The following OXCT1 variants were observed in gnomAD, a reference collection of about 807,000 sequenced individuals.
The protein encoded by OXCT1 is 3-oxoacid CoA-transferase 1, also known as succinyl-CoA:3-ketoacid coenzyme A transferase 1, mitochondrial.
A neutral mutation model predicts 69.6 loss-of-function variants in OXCT1; 27 were observed. The observed-to-expected ratio is 0.39, with a 90% CI of 0.29 to 0.54. OXCT1 has a LOEUF of 0.54. Ranked by LOEUF, OXCT1 falls within the 20% of genes least tolerant of loss-of-function variation. OXCT1 has a pLI of 0.72. For synonymous variants in OXCT1, 202 were observed against 217.8 expected, an observed-to-expected ratio of 0.93 and a Z score of 0.64; for missense variants, 437 against 650.2, an observed-to-expected ratio of 0.67 and a Z score of 3.57.
At chr5:41,838,285 A>G (rs1315715851) in intron 7 of OXCT1, among the ~76,000 whole-genome samples, 2 of 152,206 alleles carry the variant, frequency 1.3e-5, no homozygotes, top group South Asian at 2.1e-4. Context: ...AAAATGCCCA[A>G]TCTAGGCACT....
chr5:41,754,941 T>C (rs1743985487), intron 14 of OXCT1, among the ~76,000 whole-genome samples: 1 of 152,094 alleles, frequency 6.6e-6, no homozygotes, highest in Non-Finnish European at 1.5e-5. Context: ...AGAAGGCCCC[T>C]TATACACTGT....
intron 6 of OXCT1, among the ~76,000 whole-genome samples, chr5:41,840,844 A>T (rs1446871996): frequency 6.6e-6 from 1 of 152,210 alleles, no homozygotes; most frequent in Non-Finnish European, 1.5e-5. Context: ...ATCTTTTAAC[A>T]AGTATGCTTT....
At chr5:41,766,736 C>T (rs1744623223) in intron 13 of OXCT1, among the ~76,000 whole-genome samples, 2 of 152,066 alleles carry the variant, frequency 1.3e-5, no homozygotes, top group Admixed American at 6.6e-5. Context: ...CTTGCCGTTA[C>T]CTTTATCATT....
At chr5:41,744,580 A>G (rs1743370192) in intron 15 of OXCT1, among the ~76,000 whole-genome samples, 2 of 152,160 alleles carry the variant, frequency 1.3e-5, no homozygotes, top group African/African-American at 2.4e-5. Flanking sequence ...TTGCCCATTC[A>G]GTATGATATT....
chr5:41,831,437 G>A (rs931555892), intron 7 of OXCT1, among the ~76,000 whole-genome samples: 1 of 152,060 alleles, frequency 6.6e-6, no homozygotes, highest in African/African-American at 2.4e-5. Flanking sequence ...CCCTTTTCAT[G>A]CTTTGTTTTT....
chr5:41,845,412 T>C (rs999510634), intron 5 of OXCT1, among the ~76,000 whole-genome samples: 2 of 152,174 alleles, frequency 1.3e-5, no homozygotes, highest in Non-Finnish European at 2.9e-5. Context: ...ACTATAGACA[T>C]TATGCATTTA....
At chr5:41,868,126 G>C (rs1463747355) in intron 1 of OXCT1, among the ~76,000 whole-genome samples, 1 of 152,226 alleles carries the variant, frequency 6.6e-6, no homozygotes. Flanking sequence ...TCAGGTCTGC[G>C]AGACACTGGG....
At chr5:41,749,637 T>A in intron 14 of OXCT1, 30 bp from the exon 15 acceptor site, 1 of 1,407,350 alleles carries the variant, frequency 7.1e-7, no homozygotes, top group Non-Finnish European at 1.0e-6. Context: ...TCAAAAAGAG[T>A]AGTTAGGGAG....
rs759216807 is a variant in OXCT1, at chr5:41,862,662, C to T, written c.167G>A (p.Gly56Asp). The stretch of plus-strand genomic sequence containing the variant: ...CTCACCACCAACCAAAACCGTGGCA[C>T]CATCAGGGATGTCTTTTACAGCTTC... ...PVEAVKDIPD[G>D]ATVLVGGFGL... Residue 56 changes from glycine to aspartate, a missense_variant, in exon 2 of 17, where the codon GGT (glycine) becomes GAT (aspartate). By Grantham distance (94) the Gly-to-Asp change is moderately conservative. Coordinates refer to ENST00000196371, the MANE Select transcript of OXCT1 (RefSeq NM_000436.4). 1.2e-6 allele frequency: 2 copies of T among 1,609,606 alleles called. No individual in the cohort carries two copies. The highest frequency in any genetic ancestry group is 4.5e-5 in the East Asian group (2 of 44,804).
chr5:41,863,621 A>C (rs1361628524), intron 1 of OXCT1, among the ~76,000 whole-genome samples: 1 of 152,194 alleles, frequency 6.6e-6, no homozygotes, highest in Non-Finnish European at 1.5e-5. Context: ...TCTATTACAT[A>C]AGGGAAAGTT....
chr5:41,837,332 G>T (rs1748414862), intron 7 of OXCT1, among the ~76,000 whole-genome samples: 2 of 151,670 alleles, frequency 1.3e-5, no homozygotes, highest in Non-Finnish European at 1.5e-5. Context: ...CGTTGACTAT[G>T]TTATATAGGG....
intron 13 of OXCT1, among the ~76,000 whole-genome samples, chr5:41,764,540 T>A (rs567491918): frequency 2.0e-5 from 3 of 152,282 alleles, no homozygotes; most frequent in African/African-American, 4.8e-5. Flanking sequence ...AGACTCAGAC[T>A]ACACTTCCTT....
At chr5:41,852,608 A>G (rs1056379453) in intron 4 of OXCT1, among the ~76,000 whole-genome samples, 1 of 152,202 alleles carries the variant, frequency 6.6e-6, no homozygotes, top group Non-Finnish European at 1.5e-5. Flanking sequence ...AAATGAGTGA[A>G]AAGTTGCTAG....
chr5:41,786,081 A>C (rs759167923), intron 13 of OXCT1, among the ~76,000 whole-genome samples: 3 of 152,192 alleles, frequency 2.0e-5, no homozygotes, highest in Non-Finnish European at 2.9e-5. Flanking sequence ...TGTCAACAGG[A>C]TAGCCCAGGA....
chr5:41,809,567 C>T (rs1317698377), intron 7 of OXCT1, among the ~76,000 whole-genome samples: 1 of 151,976 alleles, frequency 6.6e-6, no homozygotes, highest in Non-Finnish European at 1.5e-5. Flanking sequence ...GCCCTCAAAT[C>T]TCTTGCTATG....
At chr5:41,797,445 A>G (rs1341615142) in intron 11 of OXCT1, among the ~76,000 whole-genome samples, 3 of 152,212 alleles carry the variant, frequency 2.0e-5, no homozygotes, top group Admixed American at 2.0e-4. Flanking sequence ...CTAAAATTGA[A>G]TCCATGATTT....
intron 7 of OXCT1, among the ~76,000 whole-genome samples, chr5:41,818,487 T>G (rs950729876): frequency 1.3e-5 from 2 of 152,158 alleles, no homozygotes; most frequent in Non-Finnish European, 2.9e-5. Flanking sequence ...AATAGCTAAC[T>G]GAACAAAAAA....
At chr5:41,795,061 T>C (rs1158438335) in intron 11 of OXCT1, among the ~76,000 whole-genome samples, 1 of 152,202 alleles carries the variant, frequency 6.6e-6, no homozygotes, top group Non-Finnish European at 1.5e-5. Flanking sequence ...AAGACAATTT[T>C]TCCACAGACT....
At chr5:41,811,954 G>A (rs1228355571) in intron 7 of OXCT1, among the ~76,000 whole-genome samples, 3 of 152,028 alleles carry the variant, frequency 2.0e-5, no homozygotes, top group African/African-American at 7.2e-5. Flanking sequence ...GTCATATAAT[G>A]CCCAAAGATA....
Sources: allele counts gnomAD v4.1 joint callset (sites outside exome capture counted in the v4.1 genomes callset), GRCh38; gene constraint gnomAD v4.1.1; transcripts MANE v1.5; gene names NCBI Gene and HGNC (gene_info 2026-07-23, HGNC 2026-07-21).